The following FTO variants were observed in gnomAD, a reference collection of about 807,000 sequenced individuals.
FTO encodes alpha-ketoglutarate-dependent dioxygenase FTO.
A neutral mutation model predicts 63.9 loss-of-function variants in FTO; 47 were observed. The ratio of observed to expected loss-of-function variants is 0.74; its 90% CI spans 0.58 to 0.94. The LOEUF (loss-of-function observed/expected upper bound fraction) is 0.94, where lower values mean the gene tolerates loss of function less well. Among genes scored for constraint, FTO ranks in the 40% least tolerant of loss-of-function variants. FTO has a pLI of 0.00. For missense variants in FTO, 562 were observed against 618.1 expected (o/e 0.91, Z 0.96); for synonymous variants, 207 against 224.4 (o/e 0.92, Z 0.69).
chr16:54,016,393 C>G (rs766026088), intron 8 of FTO, among the ~76,000 whole-genome samples: 8 of 152,094 alleles, frequency 5.3e-5, no homozygotes, highest in Non-Finnish European at 7.4e-5. Flanking sequence ...TGAGGTATCT[C>G]CTACCTAGTT....
chr16:53,856,219 G>T (rs750122111), intron 4 of FTO, among the ~76,000 whole-genome samples: 4 of 152,042 alleles, frequency 2.6e-5, no homozygotes, highest in Non-Finnish European at 5.9e-5. Flanking sequence ...TTTATTGAAG[G>T]TTCGAATTTA....
chr16:53,995,845 A>G (rs1001331176), intron 8 of FTO, among the ~76,000 whole-genome samples: 1 of 152,096 alleles, frequency 6.6e-6, no homozygotes, highest in Admixed American at 6.6e-5. Context: ...CCTTTGCTGG[A>G]TGCTCATTTT....
chr16:53,776,411 T>C (rs1387395870), intron 1 of FTO, among the ~76,000 whole-genome samples: 3 of 152,222 alleles, frequency 2.0e-5, no homozygotes, highest in African/African-American at 7.2e-5. Context: ...GGCTTCTTTC[T>C]GCTTTTTGTG....
intron 8 of FTO, among the ~76,000 whole-genome samples, chr16:54,091,040 C>A (rs1466266251): frequency 6.6e-6 from 1 of 152,280 alleles, no homozygotes; most frequent in South Asian, 2.1e-4. Flanking sequence ...GGCCCAGAGT[C>A]ACCTGTGCCG....
chr16:54,095,320 G>A lies in FTO; in HGVS notation c.1365-16442G>A, dbSNP rs374118550. Reference sequence around the variant, plus strand: ...CTCCCAAAGTGTTGGGATTACAGGCGTGAGCCACTGCGCCCAGCCCTAATG... The same window carrying A: ...CTCCCAAAGTGTTGGGATTACAGGCATGAGCCACTGCGCCCAGCCCTAATG... On this transcript the variant is annotated intron_variant, in intron 8 of 8. Transcript: ENST00000471389. Among the ~76,000 whole-genome samples, 20 of 152,268 alleles carry A rather than the reference G, an allele frequency of 1.3e-4. No individual in the cohort carries two copies. The East Asian group carries it at 1.4e-3, about 10-fold the overall frequency.
intron 1 of FTO, among the ~76,000 whole-genome samples, chr16:53,749,691 G>A (rs2076737748): frequency 6.6e-6 from 1 of 151,782 alleles, no homozygotes; most frequent in Non-Finnish European, 1.5e-5. Flanking sequence ...CGCCCGCCTC[G>A]GCCTCCCAAA....
rs1032301805 is a variant in FTO at position 54,038,184 on chromosome 16, C to T, written c.1365-73578C>T. ...ACTTGGCCCCAGACAGGATGACCCA[C>T]TAGAGGCAATAATCAGAGGATAAGA... is the stretch of plus-strand genomic sequence containing the variant. On this transcript the variant is annotated intron_variant, in intron 8 of 8. Coordinates refer to ENST00000471389, the MANE Select transcript of FTO (RefSeq NM_001080432.3). Among the ~76,000 whole-genome samples the T allele has an allele frequency of 2.6e-5, 4 of 152,168 alleles. No individual in the cohort carries two copies. The East Asian group carries it at 7.7e-4, about 29-fold the overall frequency.
intron 7 of FTO, among the ~76,000 whole-genome samples, chr16:53,900,077 G>T (rs1181414490): frequency 6.6e-6 from 1 of 152,178 alleles, no homozygotes; most frequent in Non-Finnish European, 1.5e-5. Context: ...CAGGTCTTCT[G>T]ACTGGTTCTA....
chr16:53,942,195 T>C (rs1485379284), intron 8 of FTO, among the ~76,000 whole-genome samples: 2 of 152,176 alleles, frequency 1.3e-5, no homozygotes, highest in African/African-American at 2.4e-5. Context: ...TCATCTAACC[T>C]TGCCAGGGGT....
At chr16:54,012,005 A>G (rs2084345552) in intron 8 of FTO, among the ~76,000 whole-genome samples, 1 of 152,244 alleles carries the variant, frequency 6.6e-6, no homozygotes, top group Non-Finnish European at 1.5e-5. Flanking sequence ...TGAAAGGAAG[A>G]GTTGCACATC....
At chr16:53,792,781 T>C (rs1209347654) in intron 1 of FTO, among the ~76,000 whole-genome samples, 1 of 152,190 alleles carries the variant, frequency 6.6e-6, no homozygotes, top group Non-Finnish European at 1.5e-5. Context: ...GGCTTTTTCA[T>C]CTGAACAGGT....
chr16:54,058,840 T>C (rs1468322291), intron 8 of FTO, among the ~76,000 whole-genome samples: 1 of 152,166 alleles, frequency 6.6e-6, no homozygotes. Flanking sequence ...ATAAAAAATC[T>C]GCCTTTGTCT....
intron 8 of FTO, among the ~76,000 whole-genome samples, chr16:54,066,556 G>T (rs1287510716): frequency 6.6e-6 from 1 of 152,198 alleles, no homozygotes. Flanking sequence ...TTCAGACCAG[G>T]CCAGGGAGGG....
At chr16:53,788,432 G>T (rs958436794) in intron 1 of FTO, among the ~76,000 whole-genome samples, 2 of 151,708 alleles carry the variant, frequency 1.3e-5, no homozygotes, top group Non-Finnish European at 2.9e-5. Flanking sequence ...GTGAAACTCC[G>T]TCTCTACTAA....
chr16:53,839,398 C>T (rs975578914), intron 3 of FTO, among the ~76,000 whole-genome samples: 1 of 152,098 alleles, frequency 6.6e-6, no homozygotes, highest in African/African-American at 2.4e-5. Context: ...GTTGATTTCA[C>T]TGAGAAGTAA....
chr16:54,104,600 C>G (rs143697107), intron 8 of FTO, among the ~76,000 whole-genome samples: 19 of 152,210 alleles, frequency 1.2e-4, no homozygotes, highest in African/African-American at 3.4e-4. Context: ...TGTGAACCAC[C>G]TTGCCTGGCT....
intron 8 of FTO, chr16:54,063,753 G>A (rs919444345): frequency 1.4e-5 from 2 of 147,702 alleles, no homozygotes; most frequent in East Asian, 2.0e-4. Context: ...TAGCTATATC[G>A]GGGATCCAAA....
At chr16:53,817,864 C>T (rs2078741583) in intron 2 of FTO, among the ~76,000 whole-genome samples, 1 of 152,164 alleles carries the variant, frequency 6.6e-6, no homozygotes, top group Admixed American at 6.5e-5. Context: ...TTTCCAAATA[C>T]TTATTAAACT....
intron 8 of FTO, among the ~76,000 whole-genome samples, chr16:53,942,682 T>G (rs2082558085): frequency 1.3e-5 from 2 of 152,202 alleles, no homozygotes; most frequent in Non-Finnish European, 2.9e-5. Flanking sequence ...CGTTGGTGAT[T>G]CGGCATGTGG....
Sources: gnomAD v4.1 joint callset for allele counts (sites outside exome capture counted in the v4.1 genomes callset) on GRCh38, gnomAD v4.1.1 for gene constraint, MANE v1.5 for transcripts, NCBI Gene and HGNC (gene_info 2026-07-23, HGNC 2026-07-21) for gene names.